HOOK3: variants seen among roughly 807,000 people sequenced by gnomAD.
HOOK3 encodes the protein hook microtubule tethering protein 3, also known as protein Hook homolog 3.
HOOK3 carries 24 observed loss-of-function variants against 116.3 expected under a neutral mutation model. The observed-to-expected ratio is 0.21, with a 90% CI of 0.15 to 0.29. The LOEUF (loss-of-function observed/expected upper bound fraction) is 0.29, where lower values mean the gene tolerates loss of function less well. Among genes scored for constraint, HOOK3 ranks in the 10% least tolerant of loss-of-function variants. HOOK3 has a pLI of 1.00. For synonymous variants in HOOK3, 275 were observed against 283.0 expected (o/e 0.97, Z 0.28); for missense variants, 632 against 830.2 (o/e 0.76, Z 2.93).
chr8:42,990,894 G>T (rs1809148058), intron 15 of HOOK3, among the ~76,000 whole-genome samples: 1 of 151,998 alleles, frequency 6.6e-6, no homozygotes. Flanking sequence ...AGAAATCTTT[G>T]CCCACACCAA....
chr8:42,992,575 G>T (rs564809106), intron 15 of HOOK3, among the ~76,000 whole-genome samples: 149 of 151,472 alleles, frequency 9.8e-4, no homozygotes, highest in African/African-American at 3.4e-3. Flanking sequence ...AATTAGCTGG[G>T]TGTGGTGGTG....
chr8:42,966,270 A>T (rs1272896891), intron 9 of HOOK3, among the ~76,000 whole-genome samples: 1 of 152,166 alleles, frequency 6.6e-6, no homozygotes, highest in Non-Finnish European at 1.5e-5. Flanking sequence ...AATAGTAACC[A>T]GTTGTCACCG....
chr8:42,958,981 G>T (rs557174761), intron 7 of HOOK3, among the ~76,000 whole-genome samples: 26 of 151,100 alleles, frequency 1.7e-4, no homozygotes, highest in Non-Finnish European at 3.5e-4. Context: ...CAAAAAAGAC[G>T]CATAAGAAAA....
intron 14 of HOOK3, among the ~76,000 whole-genome samples, chr8:42,986,360 A>C (rs1444366511): frequency 3.9e-5 from 6 of 152,236 alleles, no homozygotes; most frequent in Admixed American, 3.9e-4. Flanking sequence ...TAAATAAATA[A>C]ATGCATTCAT....
Position 42,971,704 on chromosome 8 carries a change from A to G in HOOK3, c.1123-1585A>G, listed in dbSNP as rs369372773. Among the ~76,000 whole-genome samples the G allele has an allele frequency of 5.9e-3, 897 of 151,762 alleles. 7 individuals are homozygous for G. Among genetic ancestry groups the G allele is most frequent in the African/African-American group, 0.021 (855 of 41,338 alleles). On this transcript the variant is annotated intron_variant, in intron 11 of 21. Transcript: ENST00000307602. ...TTAATTAATTTATTTATTTTGAGGCAGAGTCTGGCTCTGTGGCCCAGGTTG... is the reference window on the plus strand; with the variant it reads ...TTAATTAATTTATTTATTTTGAGGCGGAGTCTGGCTCTGTGGCCCAGGTTG...
intron 2 of HOOK3, among the ~76,000 whole-genome samples, chr8:42,909,655 G>T (rs1457351818): frequency 1.3e-5 from 2 of 152,134 alleles, no homozygotes; most frequent in Non-Finnish European, 2.9e-5. Flanking sequence ...TGTAGAGATG[G>T]GGTCTCACTG....
At chr8:42,919,443 C>T (rs1377924515) in intron 2 of HOOK3, among the ~76,000 whole-genome samples, 3 of 151,386 alleles carry the variant, frequency 2.0e-5, no homozygotes, top group Admixed American at 6.6e-5. Flanking sequence ...GGCAGAGACG[C>T]TCCTCACTTC....
At chr8:42,941,566 A>G (rs947443952) in intron 4 of HOOK3, among the ~76,000 whole-genome samples, 9 of 150,596 alleles carry the variant, frequency 6.0e-5, no homozygotes, top group Non-Finnish European at 7.4e-5. Flanking sequence ...GTGTCTGGCC[A>G]GTATTTTCTT....
At chr8:42,912,477 T>C (rs980943645) in intron 2 of HOOK3, among the ~76,000 whole-genome samples, 3 of 152,210 alleles carry the variant, frequency 2.0e-5, no homozygotes, top group African/African-American at 7.2e-5. Context: ...AGTTTCAATA[T>C]GGGATGGTGA....
rs974857101 is a variant in HOOK3 at position 42,995,745 on chromosome 8, A to G, written c.1533-1805A>G. 2.6e-5 allele frequency among the ~76,000 whole-genome samples: 4 copies of G among 152,026 alleles called. No homozygotes were observed. In the East Asian group the frequency reaches 7.7e-4, roughly 29 times the overall value. ...AATCAGATTCCTATATTTCTTTCTT[A>G]TCCTATTCCTTTTGTCTTCCCTTCT... On this transcript the variant is annotated intron_variant, in intron 15 of 21. Transcript: ENST00000307602.
At chr8:42,938,217 C>CTTTTGTTTTTTT (rs1808011233) in intron 4 of HOOK3, among the ~76,000 whole-genome samples, 4 of 132,302 alleles carry the variant, frequency 3.0e-5, no homozygotes, top group Non-Finnish European at 4.9e-5. Context: ...GCAACCCCTG[C>CTTTTGTTTTTTT]TTTTTTTTTT....
chr8:43,002,190 T>G (rs369572107), intron 17 of HOOK3, 49 bp downstream of exon 17: 59 of 1,407,076 alleles, frequency 4.2e-5, no homozygotes, highest in Non-Finnish European at 5.7e-5. Flanking sequence ...GGAACACATG[T>G]GCTTTGTGTT....
intron 7 of HOOK3, 95 bp downstream of exon 7, chr8:42,957,251 A>G (rs1376995496): frequency 1.0e-5 from 6 of 580,056 alleles, no homozygotes; most frequent in Non-Finnish European, 1.7e-5. Context: ...GCTTTTTATT[A>G]TATTGGTTTA....
At chr8:42,951,068 T>G (rs906516409) in intron 6 of HOOK3, among the ~76,000 whole-genome samples, 9 of 151,798 alleles carry the variant, frequency 5.9e-5, no homozygotes, top group African/African-American at 2.2e-4. Flanking sequence ...TAATATCTAT[T>G]ATTTATTTAT....
At chr8:42,944,353 T>C (rs1326239297) in intron 5 of HOOK3, among the ~76,000 whole-genome samples, 4 of 151,828 alleles carry the variant, frequency 2.6e-5, no homozygotes, top group African/African-American at 9.7e-5. Flanking sequence ...GAGGCAGAGG[T>C]TGCAATGAGC....
chr8:42,997,347 G>T (rs2130467730), intron 15 of HOOK3, among the ~76,000 whole-genome samples: 2 of 152,326 alleles, frequency 1.3e-5, no homozygotes, highest in Middle Eastern at 3.4e-3. Context: ...TGTGTTAGAA[G>T]TCATCATTCG....
At position 43,024,188 on chromosome 8, in the gene HOOK3, A is replaced by G. The variant is rs1259236731; in HGVS notation, c.*5690A>G. 4.9e-6 allele frequency: 1 copy of G among 203,434 alleles called. No individual in the cohort carries two copies. The highest frequency in any genetic ancestry group is 7.6e-5 in the East Asian group (1 of 13,236). The allele number at this position is 203,434 out of a possible 1,614,324, so 12.6% of individuals were successfully genotyped here. Reference sequence around the variant, plus strand: ...CTGAGGGCAAAATAACAACATGAAGACAAAGTGCTTTTTGTTGTCTATTCA... The same window carrying G: ...CTGAGGGCAAAATAACAACATGAAGGCAAAGTGCTTTTTGTTGTCTATTCA... On this transcript the variant is annotated 3_prime_UTR_variant, in exon 22 of 22. Transcript: ENST00000307602.
intron 2 of HOOK3, among the ~76,000 whole-genome samples, chr8:42,911,750 T>G (rs1807434383): frequency 6.6e-6 from 1 of 152,142 alleles, no homozygotes; most frequent in Non-Finnish European, 1.5e-5. Flanking sequence ...TTTTAGGTTT[T>G]TAACTTAAGC....
intron 8 of HOOK3, among the ~76,000 whole-genome samples, chr8:42,961,920 G>A (rs1374927574): frequency 6.6e-6 from 1 of 152,150 alleles, no homozygotes; most frequent in African/African-American, 2.4e-5. Context: ...CCGAGTAGCA[G>A]GGACTGCAAG....
Sources: gnomAD v4.1 joint callset for allele counts (sites outside exome capture counted in the v4.1 genomes callset) on GRCh38, gnomAD v4.1.1 for gene constraint, MANE v1.5 for transcripts, NCBI Gene and HGNC (gene_info 2026-07-23, HGNC 2026-07-21) for gene names.